Variants in LRRK2 observed in about 807,000 individuals in gnomAD.
The protein encoded by LRRK2 is leucine rich repeat kinase 2, also known as leucine-rich repeat serine/threonine-protein kinase 2.
LRRK2 carries 203 observed loss-of-function variants against 302.6 expected under a neutral mutation model. The ratio of observed to expected loss-of-function variants is 0.67; its 90% CI spans 0.60 to 0.75. The LOEUF (loss-of-function observed/expected upper bound fraction) is 0.75. Ranked by LOEUF, LRRK2 falls within the 30% of genes least tolerant of loss-of-function variation. The pLI is 0.00. For missense variants in LRRK2, 2,830 were observed against 2,951.0 expected, an observed-to-expected ratio of 0.96 and a Z score of 0.95; for synonymous variants, 1,066 against 1,031.9, an observed-to-expected ratio of 1.03 and a Z score of -0.63.
At chr12:40,336,573 G>A (rs988679578) in intron 40 of LRRK2, among the ~76,000 whole-genome samples, 3 of 152,184 alleles carry the variant, frequency 2.0e-5, no homozygotes, top group African/African-American at 7.2e-5. Flanking sequence ...CTGGGGCATA[G>A]AAGCCAAGCA....
rs540432454 is a variant in LRRK2 at position 40,314,124 on chromosome 12, G to A, written c.4689G>A (p.Gln1563=). 2.5e-6 allele frequency: 4 copies of A among 1,612,570 alleles called. No individual in the cohort carries two copies. The African/African-American group carries it at 5.3e-5, about 22-fold the overall frequency. Reference sequence around the variant, plus strand: ...AACTAGTGAGAGAAAATCAGCTGCAGTTAGATGAAAATGAGCTTCCTCACG... The same window carrying A: ...AACTAGTGAGAGAAAATCAGCTGCAATTAGATGAAAATGAGCTTCCTCACG... ...LLQLVRENQL[Q]LDENELPHAV... is the part of the protein sequence containing the mutation. The change falls in exon 32 of 51, where the codon CAG becomes CAA. Residue 1563 remains glutamine (Q), a synonymous_variant. Coordinates refer to ENST00000298910, the MANE Select transcript of LRRK2 (RefSeq NM_198578.4).
chr12:40,243,536 C>T lies in LRRK2; in HGVS notation c.707-14C>T, dbSNP rs777734222. 4 of 1,609,888 alleles carry T rather than the reference C, an allele frequency of 2.5e-6. No homozygotes were observed. Among genetic ancestry groups the T allele is most frequent in the Non-Finnish European group, 3.4e-6 (4 of 1,177,146 alleles). ...TGGTTACCTTATTGATAATTATGAT[C>T]TCTTTAAATTCAGGCAATAATGTGG... is the stretch of plus-strand genomic sequence containing the variant. On this transcript the variant is annotated splice_polypyrimidine_tract_variant and intron_variant, in intron 6 of 50. Coordinates refer to ENST00000298910, the MANE Select transcript of LRRK2 (RefSeq NM_198578.4).
At chr12:40,317,296 T>TCC (rs1295120824) in intron 33 of LRRK2, among the ~76,000 whole-genome samples, 1 of 152,146 alleles carries the variant, frequency 6.6e-6, no homozygotes, top group Non-Finnish European at 1.5e-5. Context: ...AGTGCCATCA[T>TCC]TTTTATTTAT....
Position 40,304,130 on chromosome 12 carries a change from A to G in LRRK2, c.3773A>G (p.Lys1258Arg). The G allele has an allele frequency of 6.2e-7, 1 of 1,612,742 alleles. No homozygotes were observed. Among genetic ancestry groups the G allele is most frequent in the Non-Finnish European group, 8.5e-7 (1 of 1,179,300 alleles). Reference sequence around the variant, plus strand: ...CTGCATCTTTCTCACAATAAACTGAAAGAGGTAAGACGATTATTGCCACTT... The same window carrying G: ...CTGCATCTTTCTCACAATAAACTGAGAGAGGTAAGACGATTATTGCCACTT... ...EKLHLSHNKLKEIPPEIGCLE... is the reference protein window; with the variant it reads ...EKLHLSHNKLREIPPEIGCLE... Residue 1258 changes from lysine (K) to arginine (R), a missense_variant, in exon 27 of 51, where the codon AAA becomes AGA. By Grantham distance (26) the Lys-to-Arg change is conservative. This residue lies in a region of LRRK2 where 2,121 missense variants were observed against 2,148.0 expected (regional missense o/e 0.99). Transcript: ENST00000298910.
intron 34 of LRRK2, 124 bp downstream of exon 34, chr12:40,320,299 A>G (rs1945360917): frequency 1.3e-6 from 1 of 751,750 alleles, no homozygotes; most frequent in Non-Finnish European, 2.1e-6. Context: ...CTTCTAGTGT[A>G]AACCTCCTAC....
At chr12:40,286,764 C>T (rs1192818817) in intron 19 of LRRK2, 1 of 154,766 alleles carries the variant, frequency 6.5e-6, no homozygotes, top group Admixed American at 6.3e-5. Context: ...ACTTATTCTT[C>T]ATAGTAGAGC....
intron 41 of LRRK2, 86 bp downstream of exon 41, chr12:40,340,540 A>T (rs907999626): frequency 7.4e-7 from 1 of 1,353,380 alleles, no homozygotes; most frequent in African/African-American, 1.4e-5. Flanking sequence ...GTCAAAAGGA[A>T]AACAGAGTCT....
Position 40,240,394 on chromosome 12 carries a change from C to G in LRRK2, c.572-89C>G, listed in dbSNP as rs1941671289. ...AGGAGATTACACTTGATGTATCTCA[C>G]ACAACTATAATGAATATTGTAATTT... On this transcript the variant is annotated intron_variant, in intron 5 of 50. Transcript: ENST00000298910. The G allele has an allele frequency of 6.6e-6, 8 of 1,212,166 alleles. No individual in the cohort carries two copies. In the Admixed American group the frequency reaches 1.5e-4, roughly 22 times the overall value. The allele number at this position is 1,212,166 out of a possible 1,614,324, so 75.1% of individuals were successfully genotyped here. A position where few individuals can be genotyped will look rare whatever the true frequency, so the allele number is the denominator to read the frequency against.
intron 2 of LRRK2, among the ~76,000 whole-genome samples, chr12:40,228,364 C>T (rs143495147): frequency 5.8e-5 from 8 of 138,884 alleles, no homozygotes; most frequent in African/African-American, 1.9e-4. Flanking sequence ...TTTCATGTAC[C>T]TGTTAGCCAT....
chr12:40,225,448 A>G (rs559630734), intron 1 of LRRK2, 107 bp from the exon 2 acceptor site: 2 of 1,267,574 alleles, frequency 1.6e-6, no homozygotes, highest in East Asian at 2.4e-5. Context: ...TGAGAATTTC[A>G]GGAAGGTCTT....
rs183416121 is a variant in LRRK2 at position 40,304,471 on chromosome 12, A to G, written c.3777+337A>G. On this transcript the variant is annotated intron_variant, in intron 27 of 50. Transcript: ENST00000298910. Reference sequence around the variant, plus strand: ...CTTTTAATCTGAAAGCTAAACAGCTAGATATAAATTTGTCTACCCAACATT... The same window carrying G: ...CTTTTAATCTGAAAGCTAAACAGCTGGATATAAATTTGTCTACCCAACATT... 4 of 285,990 alleles carry G rather than the reference A, an allele frequency of 1.4e-5. No homozygotes were observed. The East Asian group carries it at 2.5e-4, about 18-fold the overall frequency. The allele number at this position is 285,990 out of a possible 1,614,324, so 17.7% of individuals were successfully genotyped here.
At chr12:40,258,471 C>A (rs1022487688) in intron 12 of LRRK2, among the ~76,000 whole-genome samples, 1 of 152,052 alleles carries the variant, frequency 6.6e-6, no homozygotes, top group East Asian at 1.9e-4. Context: ...AAAAACACAG[C>A]GGAATAAACT....
intron 47 of LRRK2, among the ~76,000 whole-genome samples, chr12:40,360,980 T>A (rs7962116): frequency 2.6e-5 from 4 of 151,894 alleles, no homozygotes; most frequent in African/African-American, 9.7e-5. Flanking sequence ...ATAATTGTAT[T>A]TGTTAAAGTA....
Position 40,249,962 on chromosome 12 carries a change from AAAAGGGGAT to A in LRRK2, c.958+18_958+26del. Reference sequence around the variant, plus strand: ...CCCTCCTCAGTAAGTAACTTCACTAAAAAGGGGATTCTTACAGAGGCATTTGACATCAAA... The same window carrying A: ...CCCTCCTCAGTAAGTAACTTCACTAATCTTACAGAGGCATTTGACATCAAA... On this transcript the variant is annotated intron_variant, in intron 8 of 50. Coordinates refer to ENST00000298910, the MANE Select transcript of LRRK2 (RefSeq NM_198578.4). 1 of 1,613,110 alleles carries A rather than the reference AAAAGGGGAT, an allele frequency of 6.2e-7. No homozygotes were observed. Among genetic ancestry groups the A allele is most frequent in the Non-Finnish European group, 8.5e-7 (1 of 1,179,432 alleles).
chr12:40,336,559 G>A (rs1314009974), intron 40 of LRRK2, among the ~76,000 whole-genome samples: 9 of 152,198 alleles, frequency 5.9e-5, no homozygotes, highest in African/African-American at 2.2e-4. Context: ...AAGGAAAACA[G>A]TGCCTGGGGC....
chr12:40,231,771 T>C (rs1204138657), intron 2 of LRRK2, among the ~76,000 whole-genome samples: 2 of 147,224 alleles, frequency 1.4e-5, no homozygotes, highest in Non-Finnish European at 3.0e-5. Context: ...TTATATATAT[T>C]ATATATTATG....
intron 20 of LRRK2, among the ~76,000 whole-genome samples, chr12:40,288,933 T>G (rs1016577149): frequency 6.6e-5 from 10 of 151,890 alleles, no homozygotes; most frequent in Non-Finnish European, 1.3e-4. Flanking sequence ...TTTTCCAGTT[T>G]TTTTCTTTTA....
At chr12:40,270,064 T>C (rs979382943) in intron 14 of LRRK2, among the ~76,000 whole-genome samples, 1 of 152,146 alleles carries the variant, frequency 6.6e-6, no homozygotes, top group African/African-American at 2.4e-5. Context: ...TAATAACTGA[T>C]TTTTCACTTA....
intron 18 of LRRK2, among the ~76,000 whole-genome samples, chr12:40,282,253 A>G (rs1055223580): frequency 1.3e-5 from 2 of 149,712 alleles, no homozygotes; most frequent in Non-Finnish European, 3.0e-5. Context: ...ATGAGCCCTT[A>G]AAGAGGATTT....
Sources: gnomAD v4.1 joint callset for allele counts (sites outside exome capture counted in the v4.1 genomes callset) on GRCh38, gnomAD v4.1.1 for gene constraint, gnomAD v4.1.1 regional missense constraint, MANE v1.5 for transcripts, NCBI Gene and HGNC (gene_info 2026-07-23, HGNC 2026-07-21) for gene names.